Variants in COL19A1 observed in about 807,000 individuals in gnomAD.
COL19A1 encodes collagen type XIX alpha 1 chain, also known as collagen alpha-1(XIX) chain.
A neutral mutation model predicts 190.2 loss-of-function variants in COL19A1; 159 were observed. The ratio of observed to expected loss-of-function variants is 0.84; its 90% CI spans 0.73 to 0.95. The LOEUF is 0.95. COL19A1 is among the 40% of genes least tolerant of loss of function. The pLI, the probability that COL19A1 is intolerant of heterozygous loss-of-function variation, is 0.00. For synonymous variants in COL19A1, 509 were observed against 458.9 expected, an observed-to-expected ratio of 1.11 and a Z score of -1.39; for missense variants, 1,418 against 1,431.9, an observed-to-expected ratio of 0.99 and a Z score of 0.16.
chr6:70,170,325 T>C (rs968268149), intron 40 of COL19A1, among the ~76,000 whole-genome samples: 3 of 152,092 alleles, frequency 2.0e-5, no homozygotes, highest in East Asian at 3.9e-4. Flanking sequence ...ATGATAGAAT[T>C]GTAGATCACA....
intron 11 of COL19A1, among the ~76,000 whole-genome samples, chr6:70,006,151 G>A (rs1056327916): frequency 1.3e-5 from 2 of 152,172 alleles, no homozygotes; most frequent in African/African-American, 4.8e-5. Flanking sequence ...AGCTCAAATG[G>A]CTTAGACAGT....
chr6:70,150,161 A>G (rs1786958608), intron 30 of COL19A1, 116 bp downstream of exon 30: 2 of 1,056,852 alleles, frequency 1.9e-6, no homozygotes, highest in African/African-American at 3.2e-5. Context: ...CTGCTTGGTG[A>G]TTTTGTTTAT....
In COL19A1 at chr6:69,986,252, TAC is replaced by T. The variant is rs1433452348; in HGVS notation, c.1026+23392_1026+23393del. Among the ~76,000 whole-genome samples, 625 of 114,616 alleles carry T rather than the reference TAC, an allele frequency of 5.5e-3. 4 individuals are homozygous for T. Among genetic ancestry groups the T allele is most frequent in the African/African-American group, 0.023 (596 of 25,986 alleles). 75.2% of individuals were successfully genotyped at this position (114,616 alleles called of 152,430 possible). ...ATATATATATATATATATATATATA[TAC>T]ACACACACATATATATATATTAATC... On this transcript the variant is annotated intron_variant, in intron 11 of 50. Transcript: ENST00000620364.
At chr6:70,041,569 G>C (rs893970526) in intron 14 of COL19A1, among the ~76,000 whole-genome samples, 1 of 152,046 alleles carries the variant, frequency 6.6e-6, no homozygotes, top group African/African-American at 2.4e-5. Context: ...GTACATAAGG[G>C]AACTGAGGAT....
In COL19A1 at chr6:69,932,824, CAT is replaced by C. The variant is rs1465492319; in HGVS notation, c.710_711del (p.Ile237SerfsTer7). 6.2e-7 allele frequency: 1 copy of C among 1,609,260 alleles called. No individual in the cohort carries two copies. Among genetic ancestry groups the C allele is most frequent in the East Asian group, 2.2e-5 (1 of 44,696 alleles). On this transcript the variant is annotated frameshift_variant, in exon 7 of 51. Coordinates refer to ENST00000620364, the MANE Select transcript of COL19A1 (RefSeq NM_001858.6). LOFTEE classifies it high-confidence loss of function. Reference sequence around the variant, plus strand: ...TTAAAATCTACTGCAGTGCAAACCTCATAGCTCAAGAAACATGTTGTGAAATA... The same window carrying C: ...TTAAAATCTACTGCAGTGCAAACCTCAGCTCAAGAAACATGTTGTGAAATA... ...QLKIYCSANLIAQETCCEISD... is the reference protein window; with the variant it reads ...QLKIYCSANLXAQETCCEISD...
In COL19A1 at chr6:70,100,915, C is replaced by A. The variant is rs948924943; in HGVS notation, c.1225-1254C>A. Among the ~76,000 whole-genome samples the A allele has an allele frequency of 3.9e-5, 6 of 152,156 alleles. 1 individual carries two copies. Among genetic ancestry groups the A allele is most frequent in the Admixed American group, 1.3e-4 (2 of 15,270 alleles). On this transcript the variant is annotated intron_variant, in intron 15 of 50. Coordinates refer to ENST00000620364, the MANE Select transcript of COL19A1 (RefSeq NM_001858.6). The stretch of plus-strand genomic sequence containing the variant: ...CCCTTCAGGAACAATGGACACATTT[C>A]TCATCCAATCCCAGCATTGTATTTG...
At chr6:70,078,749 G>T (rs187374263) in intron 15 of COL19A1, among the ~76,000 whole-genome samples, 2 of 152,224 alleles carry the variant, frequency 1.3e-5, no homozygotes, top group Admixed American at 1.3e-4. Context: ...GTGAAGACAT[G>T]ATTTTAAAAA....
chr6:69,896,523 G>A (rs1484516420), intron 2 of COL19A1, among the ~76,000 whole-genome samples: 3 of 120,156 alleles, frequency 2.5e-5, no homozygotes, highest in South Asian at 2.7e-4. Flanking sequence ...CGGCCTGGGC[G>A]ACAGAGCGAG....
chr6:70,072,535 C>A (rs535378001), intron 15 of COL19A1, among the ~76,000 whole-genome samples: 3 of 152,246 alleles, frequency 2.0e-5, no homozygotes, highest in African/African-American at 7.2e-5. Flanking sequence ...CTGTAACTTA[C>A]CCCTCTATCC....
rs13437586 is a variant in COL19A1 at position 70,181,482 on chromosome 6, C to T, written c.2775+959C>T. Among the ~76,000 whole-genome samples the T allele has an allele frequency of 7.6e-3, 1,153 of 152,100 alleles. 18 individuals carry two copies. The highest frequency in any genetic ancestry group is 0.026 in the African/African-American group (1,065 of 41,470). On this transcript the variant is annotated intron_variant, in intron 44 of 50. Transcript: ENST00000620364. Reference sequence around the variant, plus strand: ...CCTGCCTCCTCTTACCTCCTCATTCCCATCCCCTGCAAGGCATATCATTAA... The same window carrying T: ...CCTGCCTCCTCTTACCTCCTCATTCTCATCCCCTGCAAGGCATATCATTAA...
intron 9 of COL19A1, among the ~76,000 whole-genome samples, chr6:69,953,455 C>T (rs569916884): frequency 1.3e-5 from 2 of 152,004 alleles, no homozygotes; most frequent in African/African-American, 2.4e-5. Context: ...AACTATTGCT[C>T]TTACATGGAA....
chr6:69,939,387 C>A (rs1315007842), intron 9 of COL19A1, among the ~76,000 whole-genome samples: 1 of 152,068 alleles, frequency 6.6e-6, no homozygotes, highest in African/African-American at 2.4e-5. Flanking sequence ...TTGATCCTTA[C>A]ACTCACTCTT....
intron 11 of COL19A1, among the ~76,000 whole-genome samples, chr6:70,013,543 C>T (rs1778021837): frequency 2.2e-5 from 1 of 45,194 alleles, no homozygotes; most frequent in Non-Finnish European, 3.4e-5. Flanking sequence ...ACCACCGATC[C>T]CACAGAAATA....
chr6:69,900,476 T>C (rs1455092189), intron 4 of COL19A1, 138 bp downstream of exon 4: 4 of 452,208 alleles, frequency 8.8e-6, no homozygotes, highest in Non-Finnish European at 1.6e-5. Context: ...AACGTGTTGT[T>C]AATGTATTTG....
chr6:70,061,515 G>A (rs952022656), intron 14 of COL19A1, among the ~76,000 whole-genome samples: 30 of 151,908 alleles, frequency 2.0e-4, no homozygotes, highest in African/African-American at 6.5e-4. Context: ...CTTGAGTCTC[G>A]CATACAAAAG....
At chr6:70,069,964 G>C (rs532289097) in intron 15 of COL19A1, among the ~76,000 whole-genome samples, 8 of 152,030 alleles carry the variant, frequency 5.3e-5, no homozygotes, top group Non-Finnish European at 1.0e-4. Flanking sequence ...CATTTAAATC[G>C]TTAATAAATC....
rs12665441 is a variant in COL19A1 at position 70,211,193 on chromosome 6, C to T, written c.*3919C>T. On this transcript the variant is annotated 3_prime_UTR_variant, in exon 51 of 51. Coordinates refer to ENST00000620364, the MANE Select transcript of COL19A1 (RefSeq NM_001858.6). Reference sequence around the variant, plus strand: ...ACGTTTATATTTTTCTAGAATACATCACTATTTACAAAAGTACAATTAGAA... The same window carrying T: ...ACGTTTATATTTTTCTAGAATACATTACTATTTACAAAAGTACAATTAGAA... Among the ~76,000 whole-genome samples, 2 of 152,036 alleles carry T rather than the reference C, an allele frequency of 1.3e-5. No homozygotes were observed. The highest frequency in any genetic ancestry group is 4.8e-5 in the African/African-American group (2 of 41,418).
chr6:70,013,574 C>T (rs1778023286), intron 11 of COL19A1, among the ~76,000 whole-genome samples: 1 of 46,216 alleles, frequency 2.2e-5, no homozygotes, highest in Non-Finnish European at 3.3e-5. Context: ...TCAGAGAATA[C>T]TACAAACACC....
Position 69,962,878 on chromosome 6 carries a change from T to A in COL19A1, c.1026+8T>A, listed in dbSNP as rs1374759415. 1.2e-6 allele frequency: 2 copies of A among 1,601,388 alleles called. No homozygotes were observed. Among genetic ancestry groups the A allele is most frequent in the South Asian group, 2.2e-5 (2 of 89,484 alleles). ...GGAGAAACTGGTGAAAAGGTAAATA[T>A]CTCTTTTTACATTCACATCTGTAAA... On this transcript the variant is annotated splice_region_variant and intron_variant, in intron 11 of 50. Transcript: ENST00000620364.
Sources: gnomAD v4.1 joint callset for allele counts (sites outside exome capture counted in the v4.1 genomes callset) on GRCh38, gnomAD v4.1.1 for gene constraint, MANE v1.5 for transcripts, NCBI Gene and HGNC (gene_info 2026-07-23, HGNC 2026-07-21) for gene names.